The following MIPOL1 variants were observed in gnomAD, a reference collection of about 807,000 sequenced individuals.
The protein encoded by MIPOL1 is mirror-image polydactyly 1, also known as mirror-image polydactyly gene 1 protein.
MIPOL1 carries 57 observed loss-of-function variants against 60.9 expected under a neutral mutation model. The observed-to-expected ratio is 0.94, with a 90% confidence interval of 0.76 to 1.17. The LOEUF (loss-of-function observed/expected upper bound fraction) is 1.17. MIPOL1 is among the 50% of genes most tolerant of loss of function. The pLI is 0.00. For missense variants in MIPOL1, 551 were observed against 511.6 expected (o/e 1.08, Z -0.74); for synonymous variants, 179 against 168.8 (o/e 1.06, Z -0.47).
intron 10 of MIPOL1, among the ~76,000 whole-genome samples, chr14:37,378,847 T>C (rs1402729603): frequency 6.6e-6 from 1 of 152,080 alleles, no homozygotes; most frequent in Non-Finnish European, 1.5e-5. Context: ...TAAAATTCAC[T>C]GTATAAAAAG....
chr14:37,497,755 T>C (rs908529827), intron 11 of MIPOL1, among the ~76,000 whole-genome samples: 7 of 152,162 alleles, frequency 4.6e-5, no homozygotes, highest in African/African-American at 1.4e-4. Context: ...ATAACTAAAG[T>C]TAAAAGCATT....
At chr14:37,267,370 C>A (rs534230631) in intron 4 of MIPOL1, among the ~76,000 whole-genome samples, 2 of 152,198 alleles carry the variant, frequency 1.3e-5, no homozygotes, top group East Asian at 3.9e-4. Flanking sequence ...TGCCTGTAAT[C>A]CCAGCTACTC....
In MIPOL1 at chr14:37,548,426, T is replaced by G. The variant is rs920176398; in HGVS notation, c.*1455T>G. The G allele has an allele frequency of 6.6e-6, 1 of 152,006 alleles. No individual in the cohort carries two copies. The highest frequency in any genetic ancestry group is 1.5e-5 in the Non-Finnish European group (1 of 67,888). The allele number at this position is 152,006 out of a possible 1,614,324, so 9.4% of individuals were successfully genotyped here. On this transcript the variant is annotated 3_prime_UTR_variant, in exon 13 of 13. Coordinates refer to ENST00000684589, the MANE Select transcript of MIPOL1 (RefSeq NM_001388067.1). Reference sequence around the variant, plus strand: ...AAAGTAACTTTTTTAACTATGAGAATTAGAAAATAAGGGACAACAGGGGTT... The same window carrying G: ...AAAGTAACTTTTTTAACTATGAGAAGTAGAAAATAAGGGACAACAGGGGTT...
chr14:37,449,890 G>A (rs1010619549), intron 11 of MIPOL1, among the ~76,000 whole-genome samples: 3 of 152,026 alleles, frequency 2.0e-5, no homozygotes, highest in Non-Finnish European at 4.4e-5. Context: ...TCAGCTCACT[G>A]CAACCTTTGC....
chr14:37,351,810 C>T (rs2153473634), intron 9 of MIPOL1, among the ~76,000 whole-genome samples: 1 of 140,204 alleles, frequency 7.1e-6, no homozygotes, highest in African/African-American at 2.6e-5. Context: ...TGGATATTAG[C>T]CCTTTGTCAG....
At chr14:37,476,463 G>A (rs1465179975) in intron 11 of MIPOL1, among the ~76,000 whole-genome samples, 1 of 152,040 alleles carries the variant, frequency 6.6e-6, no homozygotes, top group Non-Finnish European at 1.5e-5. Flanking sequence ...AGGACTTCTA[G>A]TGCGATGTTG....
chr14:37,418,260 C>T (rs952956676), intron 10 of MIPOL1, among the ~76,000 whole-genome samples: 5 of 152,094 alleles, frequency 3.3e-5, no homozygotes, highest in South Asian at 2.1e-4. Context: ...TTAAGAATAG[C>T]GCTTAGTGAT....
chr14:37,199,799 A>G (rs940243960), intron 1 of MIPOL1, among the ~76,000 whole-genome samples: 2 of 152,192 alleles, frequency 1.3e-5, no homozygotes, highest in Non-Finnish European at 1.5e-5. Context: ...TGCTGGGATT[A>G]CAGGTGTGAA....
intron 11 of MIPOL1, among the ~76,000 whole-genome samples, chr14:37,475,475 T>C (rs1188102272): frequency 6.6e-6 from 1 of 152,196 alleles, no homozygotes; most frequent in Non-Finnish European, 1.5e-5. Context: ...TTTTTGGTGA[T>C]ACATCTAACA....
At chr14:37,369,409 A>AT (rs2092575279) in intron 9 of MIPOL1, 108 bp from the exon 10 acceptor site, 1 of 634,054 alleles carries the variant, frequency 1.6e-6, no homozygotes, top group Admixed American at 3.1e-5. Context: ...CAAAAAAAAA[A>AT]CCTTGTCTTT....
intron 11 of MIPOL1, among the ~76,000 whole-genome samples, chr14:37,479,860 C>T (rs1291956757): frequency 9.2e-5 from 14 of 152,030 alleles, no homozygotes; most frequent in Admixed American, 9.2e-4. Context: ...GGAGACCGTA[C>T]AACTGCTAAC....
At chr14:37,497,331 C>G (rs142796104) in intron 11 of MIPOL1, among the ~76,000 whole-genome samples, 2 of 152,154 alleles carry the variant, frequency 1.3e-5, no homozygotes, top group Non-Finnish European at 2.9e-5. Flanking sequence ...TAATTGGTTA[C>G]GGTATACTGG....
chr14:37,315,986 G>A (rs1456766519), intron 9 of MIPOL1, among the ~76,000 whole-genome samples: 1 of 151,544 alleles, frequency 6.6e-6, no homozygotes, highest in Non-Finnish European at 1.5e-5. Context: ...GTGGTGTCAG[G>A]GAAGGCAAGA....
At chr14:37,364,005 G>A (rs2092381436) in intron 9 of MIPOL1, among the ~76,000 whole-genome samples, 1 of 152,168 alleles carries the variant, frequency 6.6e-6, no homozygotes, top group African/African-American at 2.4e-5. Context: ...CAGTATTTGG[G>A]CCGGAATGTC....
intron 1 of MIPOL1, among the ~76,000 whole-genome samples, chr14:37,225,821 A>G (rs10143343): frequency 0.089 from 13,529 of 152,058 alleles, 1,976 homozygotes; most frequent in African/African-American, 0.31. Context: ...AATTGTCTGA[A>G]CTTTTATGCT....
chr14:37,448,698 G>A (rs962395710), intron 11 of MIPOL1, among the ~76,000 whole-genome samples: 1 of 152,118 alleles, frequency 6.6e-6, no homozygotes, highest in Non-Finnish European at 1.5e-5. Context: ...AATCAATGAG[G>A]TGGGGTTAAG....
intron 9 of MIPOL1, among the ~76,000 whole-genome samples, chr14:37,342,874 A>G (rs1229487094): frequency 6.6e-6 from 1 of 151,690 alleles, no homozygotes; most frequent in East Asian, 1.9e-4. Flanking sequence ...GTTCCTTCAA[A>G]TTAGTCTTTT....
intron 6 of MIPOL1, among the ~76,000 whole-genome samples, chr14:37,283,158 C>T (rs368242616): frequency 1.3e-5 from 2 of 152,116 alleles, no homozygotes; most frequent in East Asian, 1.9e-4. Context: ...CTCCACCTCC[C>T]GGGTTCAAGC....
At chr14:37,497,167 G>A (rs999235868) in intron 11 of MIPOL1, among the ~76,000 whole-genome samples, 3 of 152,060 alleles carry the variant, frequency 2.0e-5, no homozygotes, top group Non-Finnish European at 2.9e-5. Context: ...AGACTTAAAC[G>A]GTAGACCTAA....
Sources: gnomAD v4.1 joint callset for allele counts (sites outside exome capture counted in the v4.1 genomes callset) on GRCh38, gnomAD v4.1.1 for gene constraint, MANE v1.5 for transcripts, NCBI Gene and HGNC (gene_info 2026-07-23, HGNC 2026-07-21) for gene names.